The following SLC14A2 variants were observed in gnomAD, a reference collection of about 807,000 sequenced individuals.
SLC14A2 encodes urea transporter 2.
A neutral mutation model predicts 104.6 loss-of-function variants in SLC14A2; 91 were observed. That is an observed-to-expected ratio of 0.87 (90% CI 0.73 to 1.04). The LOEUF (loss-of-function observed/expected upper bound fraction) is 1.04. Among genes scored for constraint, SLC14A2 ranks in the 50% least tolerant of loss-of-function variants. The probability of loss-of-function intolerance (pLI) is 0.00; values close to 1 mark genes in which losing one functional copy is unlikely to be tolerated. For missense variants in SLC14A2, 1,189 were observed against 1,156.0 expected (o/e 1.03, Z -0.41); for synonymous variants, 476 against 466.4 (o/e 1.02, Z -0.27).
At chr18:45,671,388 T>C (rs1047250490) in intron 16 of SLC14A2, among the ~76,000 whole-genome samples, 1 of 152,216 alleles carries the variant, frequency 6.6e-6, no homozygotes, top group African/African-American at 2.4e-5. Flanking sequence ...TCATATGTTT[T>C]GTCTTTTTGA....
At chr18:45,228,686 G>A (rs2084144095) in intron 1 of SLC14A2, among the ~76,000 whole-genome samples, 2 of 152,138 alleles carry the variant, frequency 1.3e-5, no homozygotes, top group Non-Finnish European at 1.5e-5. Context: ...GTCTCCACAA[G>A]GTCCTCTCTT....
At chr18:45,404,366 C>T (rs1413135388) in intron 1 of SLC14A2, among the ~76,000 whole-genome samples, 1 of 152,162 alleles carries the variant, frequency 6.6e-6, no homozygotes, top group Non-Finnish European at 1.5e-5. Context: ...CTGCAGTACC[C>T]ACCTGTGTAA....
chr18:45,493,740 T>C (rs1342158559), intron 2 of SLC14A2, among the ~76,000 whole-genome samples: 1 of 152,274 alleles, frequency 6.6e-6, no homozygotes, highest in Non-Finnish European at 1.5e-5. Flanking sequence ...TTTTTAGTTA[T>C]GGATTCTGGA....
chr18:45,532,395 T>G (rs1361769964), intron 2 of SLC14A2, among the ~76,000 whole-genome samples: 2 of 152,000 alleles, frequency 1.3e-5, no homozygotes, highest in Non-Finnish European at 2.9e-5. Flanking sequence ...GGTTTGTAGT[T>G]CTCCTTGAAG....
At chr18:45,506,335 C>T (rs1278233386) in intron 2 of SLC14A2, among the ~76,000 whole-genome samples, 5 of 152,192 alleles carry the variant, frequency 3.3e-5, no homozygotes, top group Non-Finnish European at 1.5e-5. Flanking sequence ...CCTGATCACA[C>T]ACCAGCAGAG....
chr18:45,665,552 C>T (rs910619742), intron 11 of SLC14A2, among the ~76,000 whole-genome samples: 2 of 152,100 alleles, frequency 1.3e-5, no homozygotes. Flanking sequence ...AAAACAAAAA[C>T]AAACAGAACA....
chr18:45,241,206 C>T (rs1432410236), intron 1 of SLC14A2, among the ~76,000 whole-genome samples: 4 of 152,166 alleles, frequency 2.6e-5, no homozygotes, highest in Non-Finnish European at 2.9e-5. Context: ...GGGTGGTCCT[C>T]GGCCACTGAG....
At chr18:45,571,760 C>A (rs188374814) in intron 2 of SLC14A2, among the ~76,000 whole-genome samples, 10 of 152,176 alleles carry the variant, frequency 6.6e-5, no homozygotes, top group Non-Finnish European at 1.5e-4. Context: ...GCCAAGACAA[C>A]GGCAGTCTGA....
intron 1 of SLC14A2, among the ~76,000 whole-genome samples, chr18:45,275,288 T>C (rs1196707661): frequency 6.6e-6 from 1 of 152,170 alleles, no homozygotes; most frequent in African/African-American, 2.4e-5. Flanking sequence ...TCCACTACAT[T>C]GGAAAAAGTG....
At chr18:45,390,932 A>G (rs1200358242) in intron 1 of SLC14A2, among the ~76,000 whole-genome samples, 1 of 152,162 alleles carries the variant, frequency 6.6e-6, no homozygotes, top group Non-Finnish European at 1.5e-5. Context: ...ATGATGTTTT[A>G]TGTTTTTTTA....
chr18:45,256,834 A>T (rs1415836889), intron 1 of SLC14A2, among the ~76,000 whole-genome samples: 1 of 152,244 alleles, frequency 6.6e-6, no homozygotes, highest in East Asian at 1.9e-4. Context: ...AACCTAAATT[A>T]GGATTTTGGA....
intron 1 of SLC14A2, among the ~76,000 whole-genome samples, chr18:45,344,968 G>A (rs1452959324): frequency 1.3e-5 from 2 of 152,196 alleles, no homozygotes; most frequent in Non-Finnish European, 2.9e-5. Context: ...TCTTCCCAAG[G>A]AATTTCCCTC....
intron 1 of SLC14A2, among the ~76,000 whole-genome samples, chr18:45,402,353 T>A (rs2086105432): frequency 6.6e-6 from 1 of 152,252 alleles, no homozygotes; most frequent in African/African-American, 2.4e-5. Context: ...AGTTCGCCGA[T>A]AATAGACGTT....
At chr18:45,509,129 C>T (rs2043328427) in intron 2 of SLC14A2, among the ~76,000 whole-genome samples, 1 of 152,136 alleles carries the variant, frequency 6.6e-6, no homozygotes, top group Admixed American at 6.5e-5. Context: ...AAAATGAAGA[C>T]TCTATGTGTC....
intron 1 of SLC14A2, among the ~76,000 whole-genome samples, chr18:45,338,708 A>C (rs1056703892): frequency 2.0e-5 from 3 of 149,856 alleles, no homozygotes; most frequent in East Asian, 3.9e-4. Context: ...AAAAAAAAAA[A>C]AAAACTCTTT....
chr18:45,390,500 T>C (rs1440563608), intron 1 of SLC14A2, among the ~76,000 whole-genome samples: 1 of 152,164 alleles, frequency 6.6e-6, no homozygotes, highest in Admixed American at 6.5e-5. Context: ...AAACAAATAT[T>C]CACTGAGCAC....
chr18:45,395,998 T>C (rs1467843785), intron 1 of SLC14A2, among the ~76,000 whole-genome samples: 1 of 152,148 alleles, frequency 6.6e-6, no homozygotes, highest in Non-Finnish European at 1.5e-5. Context: ...TACTACTAAT[T>C]GCAGGGCTTA....
At chr18:45,515,220 C>A (rs549351738) in intron 2 of SLC14A2, among the ~76,000 whole-genome samples, 18 of 152,198 alleles carry the variant, frequency 1.2e-4, no homozygotes, top group Non-Finnish European at 2.4e-4. Context: ...TGTAATACAA[C>A]TATGAAATCT....
At chr18:45,312,290 T>G (rs2085086604) in intron 1 of SLC14A2, among the ~76,000 whole-genome samples, 1 of 152,294 alleles carries the variant, frequency 6.6e-6, no homozygotes, top group East Asian at 1.9e-4. Flanking sequence ...ATTTGTTATG[T>G]GAGCAATATG....
Sources: allele counts gnomAD v4.1 joint callset (sites outside exome capture counted in the v4.1 genomes callset), GRCh38; gene constraint gnomAD v4.1.1; transcripts MANE v1.5; gene names NCBI Gene and HGNC (gene_info 2026-07-23, HGNC 2026-07-21).